Variants in GPC5 observed in about 807,000 individuals in gnomAD.
The protein encoded by GPC5 is glypican 5.
Under a neutral mutation model 53.9 loss-of-function variants are expected in GPC5, and 47 were observed. The ratio of observed to expected loss-of-function variants is 0.87; its 90% CI spans 0.69 to 1.11. GPC5 has a LOEUF of 1.11. Among genes scored for constraint, GPC5 ranks in the 50% most tolerant of loss-of-function variants. The pLI is 0.00. For missense variants in GPC5, 748 were observed against 713.1 expected, an observed-to-expected ratio of 1.05 and a Z score of -0.56; for synonymous variants, 286 against 263.3, an observed-to-expected ratio of 1.09 and a Z score of -0.84.
intron 7 of GPC5, among the ~76,000 whole-genome samples, chr13:92,206,961 A>C (rs1388663400): frequency 1.3e-5 from 2 of 152,138 alleles, no homozygotes; most frequent in African/African-American, 4.8e-5. Context: ...TAAAGGACAA[A>C]AATCATCTTT....
intron 7 of GPC5, among the ~76,000 whole-genome samples, chr13:92,753,303 G>A (rs1323175035): frequency 2.0e-5 from 3 of 152,074 alleles, no homozygotes; most frequent in East Asian, 3.9e-4. Flanking sequence ...AAAACAGAAA[G>A]GACATCCACA....
intron 2 of GPC5, among the ~76,000 whole-genome samples, chr13:91,457,364 T>C (rs1881634795): frequency 6.6e-6 from 1 of 152,146 alleles, no homozygotes; most frequent in Non-Finnish European, 1.5e-5. Context: ...AAAATAATGA[T>C]ACTATAAAAA....
intron 1 of GPC5, among the ~76,000 whole-genome samples, chr13:91,439,282 T>C (rs1880242814): frequency 6.6e-6 from 1 of 152,198 alleles, no homozygotes; most frequent in Non-Finnish European, 1.5e-5. Context: ...ATCTAATGGG[T>C]AGAGTTCAGG....
At chr13:92,506,982 G>C (rs1207090697) in intron 7 of GPC5, among the ~76,000 whole-genome samples, 1 of 152,084 alleles carries the variant, frequency 6.6e-6, no homozygotes, top group Non-Finnish European at 1.5e-5. Flanking sequence ...CTTGATTTCT[G>C]CTACTTCCTT....
intron 6 of GPC5, among the ~76,000 whole-genome samples, chr13:91,991,993 G>T (rs1218907084): frequency 6.6e-6 from 1 of 151,956 alleles, no homozygotes; most frequent in East Asian, 1.9e-4. Flanking sequence ...AGAATTTTAT[G>T]GTACATGTTA....
intron 7 of GPC5, among the ~76,000 whole-genome samples, chr13:92,610,027 T>C (rs1477088050): frequency 1.7e-5 from 1 of 57,304 alleles, no homozygotes; most frequent in Non-Finnish European, 3.0e-5. Flanking sequence ...CGAGACTCCA[T>C]CTCAAAAAAA....
chr13:92,668,926 A>G (rs1389284518), intron 7 of GPC5, among the ~76,000 whole-genome samples: 1 of 152,138 alleles, frequency 6.6e-6, no homozygotes, highest in East Asian at 1.9e-4. Flanking sequence ...AATTGCTTAT[A>G]GTGTAAATGA....
intron 4 of GPC5, among the ~76,000 whole-genome samples, chr13:91,756,072 T>A (rs2037283585): frequency 3.1e-5 from 1 of 31,792 alleles, no homozygotes; most frequent in Non-Finnish European, 6.0e-5. Flanking sequence ...TAGCTTTTTT[T>A]TTGAAAAAAA....
chr13:91,464,303 G>A (rs1882106191), intron 2 of GPC5, among the ~76,000 whole-genome samples: 1 of 152,108 alleles, frequency 6.6e-6, no homozygotes, highest in South Asian at 2.1e-4. Context: ...GCACAGTCTG[G>A]AAAACAGTTG....
At chr13:92,069,201 A>G (rs1476093240) in intron 6 of GPC5, among the ~76,000 whole-genome samples, 3 of 152,120 alleles carry the variant, frequency 2.0e-5, no homozygotes, top group African/African-American at 4.8e-5. Flanking sequence ...TTGATGCTCA[A>G]TATTATTTCA....
rs182937985 is a variant in GPC5 at position 91,816,729 on chromosome 13, T to G, written c.1280+60309T>G. Reference sequence around the variant, plus strand: ...AAGTTTCCCTACAACAGTGAGAGTATCAAATCCCCTTCTCCCATTTTTAAA... The same window carrying G: ...AAGTTTCCCTACAACAGTGAGAGTAGCAAATCCCCTTCTCCCATTTTTAAA... On this transcript the variant is annotated intron_variant, in intron 5 of 7. Transcript: ENST00000377067. Among the ~76,000 whole-genome samples the G allele has an allele frequency of 1.5e-3, 233 of 152,312 alleles. 1 individual carries two copies. The Middle Eastern group carries it at 0.037, about 24-fold the overall frequency.
intron 7 of GPC5, among the ~76,000 whole-genome samples, chr13:92,409,454 T>C (rs769369819): frequency 2.0e-5 from 3 of 152,004 alleles, no homozygotes; most frequent in Non-Finnish European, 2.9e-5. Flanking sequence ...AATTATAAGG[T>C]GCTATGCCAC....
At chr13:91,720,950 T>C (rs747870983) in intron 3 of GPC5, among the ~76,000 whole-genome samples, 1 of 151,732 alleles carries the variant, frequency 6.6e-6, no homozygotes, top group Non-Finnish European at 1.5e-5. Flanking sequence ...TGGATCTCAG[T>C]CCTCATAGAC....
chr13:92,720,081 T>G (rs1391301058), intron 7 of GPC5: 1 of 152,158 alleles, frequency 6.6e-6, no homozygotes, highest in Admixed American at 6.6e-5. Flanking sequence ...GTGTCCTGGC[T>G]TAATGTTGCT....
chr13:92,211,771 G>C (rs146429019), intron 7 of GPC5, among the ~76,000 whole-genome samples: 2 of 149,594 alleles, frequency 1.3e-5, no homozygotes, highest in Non-Finnish European at 2.9e-5. Flanking sequence ...AGGAGCTCCT[G>C]AATTAGATAG....
At chr13:92,715,439 T>TCAC (rs1888296448) in intron 7 of GPC5, among the ~76,000 whole-genome samples, 1 of 152,222 alleles carries the variant, frequency 6.6e-6, no homozygotes, top group Non-Finnish European at 1.5e-5. Context: ...GGAAGAAGGC[T>TCAC]TAGGAAGGGA....
chr13:91,952,899 A>G (rs1162242504), intron 6 of GPC5, among the ~76,000 whole-genome samples: 1 of 152,116 alleles, frequency 6.6e-6, no homozygotes, highest in African/African-American at 2.4e-5. Flanking sequence ...TCTGTTTTGT[A>G]TTTTCAAATT....
At chr13:92,535,337 A>G (rs1183388413) in intron 7 of GPC5, among the ~76,000 whole-genome samples, 1 of 152,172 alleles carries the variant, frequency 6.6e-6, no homozygotes, top group Non-Finnish European at 1.5e-5. Context: ...CTTGCTGCGC[A>G]GAAAGGCAAT....
At chr13:92,459,421 C>T (rs548030558) in intron 7 of GPC5, among the ~76,000 whole-genome samples, 2 of 152,230 alleles carry the variant, frequency 1.3e-5, no homozygotes, top group African/African-American at 4.8e-5. Context: ...TCTTGTAGTC[C>T]ATCTGTTCAT....
Sources: gnomAD v4.1 joint callset for allele counts (sites outside exome capture counted in the v4.1 genomes callset) on GRCh38, gnomAD v4.1.1 for gene constraint, MANE v1.5 for transcripts, NCBI Gene and HGNC (gene_info 2026-07-23, HGNC 2026-07-21) for gene names.